Variants in KCNMB2 observed in about 807,000 individuals in gnomAD.
The protein encoded by KCNMB2 is calcium-activated potassium channel subunit beta-2.
In KCNMB2, 9 loss-of-function variants were observed where a neutral mutation model predicts 24.5. That is an observed-to-expected ratio of 0.37 (90% confidence interval 0.22 to 0.64). The LOEUF is 0.64. Ranked by LOEUF, KCNMB2 falls within the 30% of genes least tolerant of loss-of-function variation. KCNMB2 has a pLI of 0.63. For missense variants in KCNMB2, 226 were observed against 284.3 expected, an observed-to-expected ratio of 0.79 and a Z score of 1.47; for synonymous variants, 109 against 104.4, an observed-to-expected ratio of 1.04 and a Z score of -0.27.
chr3:178,637,429 G>A (rs1199435526), intron 1 of KCNMB2, among the ~76,000 whole-genome samples: 1 of 152,144 alleles, frequency 6.6e-6, no homozygotes, highest in East Asian at 1.9e-4. Context: ...CACAGGGATG[G>A]GAAGAACTGT....
intron 1 of KCNMB2, among the ~76,000 whole-genome samples, chr3:178,743,868 G>A (rs1294516419): frequency 6.6e-6 from 1 of 152,178 alleles, no homozygotes; most frequent in Non-Finnish European, 1.5e-5. Context: ...CGCTGGTCTT[G>A]CTATGAATTT....
chr3:178,537,843 T>C (rs369602276), intron 1 of KCNMB2, among the ~76,000 whole-genome samples: 15 of 152,214 alleles, frequency 9.9e-5, no homozygotes, highest in African/African-American at 3.1e-4. Context: ...CTTTATATTC[T>C]GAAAAACTCT....
intron 1 of KCNMB2, among the ~76,000 whole-genome samples, chr3:178,582,162 C>T (rs888204873): frequency 9.9e-5 from 15 of 152,154 alleles, no homozygotes; most frequent in Non-Finnish European, 1.9e-4. Context: ...ACATATACAC[C>T]ATTGAATACT....
In KCNMB2 at chr3:178,843,649, T is replaced by C. The variant is rs564821905; in HGVS notation, c.*712T>C. The C allele has an allele frequency of 6.5e-6, 1 of 154,712 alleles. No homozygotes were observed. Among genetic ancestry groups the C allele is most frequent in the East Asian group, 1.9e-4 (1 of 5,244 alleles). The allele number at this position is 154,712 out of a possible 1,614,324, so 9.6% of individuals were successfully genotyped here. ...CTGCTACTGTGTGAAGAGATGATAC[T>C]TACAAGGAGTGTCATTACCTGTGAG... On this transcript the variant is annotated 3_prime_UTR_variant, in exon 5 of 5. Transcript: ENST00000452583.
intron 1 of KCNMB2, among the ~76,000 whole-genome samples, chr3:178,623,270 G>A (rs896518371): frequency 1.3e-5 from 2 of 152,180 alleles, no homozygotes; most frequent in Non-Finnish European, 2.9e-5. Context: ...CCACACTTAC[G>A]TGATTTATAT....
At chr3:178,676,363 C>T (rs1721070625) in intron 1 of KCNMB2, among the ~76,000 whole-genome samples, 1 of 152,134 alleles carries the variant, frequency 6.6e-6, no homozygotes, top group African/African-American at 2.4e-5. Context: ...GACTGACAGA[C>T]ATGTGGAGAT....
chr3:178,686,343 T>C (rs1365904495), intron 1 of KCNMB2, among the ~76,000 whole-genome samples: 1 of 152,188 alleles, frequency 6.6e-6, no homozygotes, highest in Non-Finnish European at 1.5e-5. Flanking sequence ...AAGTTGGTAG[T>C]CATGAAGAAA....
intron 1 of KCNMB2, among the ~76,000 whole-genome samples, chr3:178,719,516 A>G (rs1577123328): frequency 6.6e-6 from 1 of 152,228 alleles, no homozygotes; most frequent in East Asian, 1.9e-4. Flanking sequence ...ATTTGGCTTC[A>G]CTATATTCTG....
chr3:178,576,754 C>T (rs1306920916), intron 1 of KCNMB2, among the ~76,000 whole-genome samples: 1 of 152,220 alleles, frequency 6.6e-6, no homozygotes, highest in Non-Finnish European at 1.5e-5. Flanking sequence ...GAGCCCACCA[C>T]ACCTTGGCAA....
chr3:178,711,198 G>A (rs1387248955), intron 1 of KCNMB2, among the ~76,000 whole-genome samples: 1 of 152,178 alleles, frequency 6.6e-6, no homozygotes, highest in Non-Finnish European at 1.5e-5. Context: ...ATTCAAGCCA[G>A]GGTATTCCAG....
At chr3:178,770,846 G>A (rs373508909) in intron 1 of KCNMB2, among the ~76,000 whole-genome samples, 2 of 152,146 alleles carry the variant, frequency 1.3e-5, no homozygotes, top group Non-Finnish European at 2.9e-5. Context: ...TCCAGGAGAC[G>A]TACCTCACAT....
intron 1 of KCNMB2, among the ~76,000 whole-genome samples, chr3:178,643,060 T>C (rs1025539000): frequency 1.1e-4 from 16 of 152,304 alleles, no homozygotes; most frequent in Middle Eastern, 6.8e-3. Flanking sequence ...CACAATAGCA[T>C]AGAATACAAC....
intron 1 of KCNMB2, among the ~76,000 whole-genome samples, chr3:178,679,460 A>C (rs1721192667): frequency 6.6e-6 from 1 of 152,142 alleles, no homozygotes; most frequent in Non-Finnish European, 1.5e-5. Flanking sequence ...ACAAAGCCTG[A>C]TTTTTAGTAG....
intron 1 of KCNMB2, among the ~76,000 whole-genome samples, chr3:178,543,850 T>C (rs569564561): frequency 3.3e-5 from 5 of 152,316 alleles, no homozygotes; most frequent in East Asian, 1.9e-4. Flanking sequence ...ATTTTTAAGA[T>C]TGGATTTTTT....
intron 1 of KCNMB2, among the ~76,000 whole-genome samples, chr3:178,607,192 T>G (rs1718302503): frequency 6.6e-6 from 1 of 152,126 alleles, no homozygotes; most frequent in Admixed American, 6.6e-5. Flanking sequence ...ATATAGAAAC[T>G]TAATGGTGAT....
rs144314869 is a variant in KCNMB2, at chr3:178,621,436, G to C, written c.-68+84725G>C. ...AATATTTTATCTCTCTGACATCTTT[G>C]TTCATTATTTCTTTGGGTTTCTGCT... On this transcript the variant is annotated intron_variant, in intron 1 of 4. Coordinates refer to ENST00000452583, the MANE Select transcript of KCNMB2 (RefSeq NM_181361.3). Among the ~76,000 whole-genome samples, 13 of 151,608 alleles carry C rather than the reference G, an allele frequency of 8.6e-5. No individual in the cohort carries two copies. The East Asian group carries it at 2.5e-3, about 29-fold the overall frequency.
intron 1 of KCNMB2, among the ~76,000 whole-genome samples, chr3:178,754,150 G>GTGTATATA (rs1553773711): frequency 2.8e-5 from 3 of 106,282 alleles, no homozygotes; most frequent in African/African-American, 7.5e-5. Flanking sequence ...ATATTCCATT[G>GTGTATATA]TATATATATA....
intron 1 of KCNMB2, among the ~76,000 whole-genome samples, chr3:178,614,810 A>T (rs1490192244): frequency 6.6e-6 from 1 of 152,148 alleles, no homozygotes; most frequent in Non-Finnish European, 1.5e-5. Context: ...TCATGTTTTC[A>T]TGGATGGTAT....
chr3:178,608,902 T>A (rs1304187367), intron 1 of KCNMB2, among the ~76,000 whole-genome samples: 2 of 152,236 alleles, frequency 1.3e-5, no homozygotes, highest in Non-Finnish European at 2.9e-5. Context: ...GATGGACACT[T>A]AGGTTGCTTC....
Sources: gnomAD v4.1 joint callset for allele counts (sites outside exome capture counted in the v4.1 genomes callset) on GRCh38, gnomAD v4.1.1 for gene constraint, MANE v1.5 for transcripts, NCBI Gene and HGNC (gene_info 2026-07-23, HGNC 2026-07-21) for gene names.